The following PCDH1 variants were observed in gnomAD, a reference collection of about 807,000 sequenced individuals.
PCDH1 encodes the protein protocadherin-1.
A neutral mutation model predicts 74.6 loss-of-function variants in PCDH1; 23 were observed. The ratio of observed to expected loss-of-function variants is 0.31; its 90% CI spans 0.22 to 0.44. PCDH1 has a LOEUF of 0.44. Ranked by LOEUF, PCDH1 falls within the 20% of genes least tolerant of loss-of-function variation. The pLI is 1.00. For synonymous variants in PCDH1, 647 were observed against 686.1 expected (o/e 0.94, Z 0.89); for missense variants, 1,214 against 1,641.4 (o/e 0.74, Z 4.50).
Position 141,865,362 on chromosome 5 carries a change from G to A in PCDH1, c.969C>T (p.Pro323=), listed in dbSNP as rs561989436. ...AEIEYTFHQA[P]EVVRRLLRLD... Reference sequence around the variant, plus strand: ...GTCGAAGAAGACGCCTCACAACTTCGGGCGCCTGGTGGAATGTGTATTCGA... The same window carrying A: ...GTCGAAGAAGACGCCTCACAACTTCAGGCGCCTGGTGGAATGTGTATTCGA... Residue 323 remains proline (P), a synonymous_variant, in exon 3 of 5, where the codon CCC becomes CCT. Coordinates refer to ENST00000287008, the MANE Select transcript of PCDH1 (RefSeq NM_032420.5). This position sits in a 1 kb window ranked among gnomAD's most constrained non-coding sequence, Gnocchi z 4.4. 2.9e-5 allele frequency: 47 copies of A among 1,614,072 alleles called. 1 individual carries two copies. In the Admixed American group the frequency reaches 3.5e-4, roughly 12 times the overall value.
At chr5:141,860,928 C>A (rs1455960065) in intron 3 of PCDH1, among the ~76,000 whole-genome samples, 1 of 151,976 alleles carries the variant, frequency 6.6e-6, no homozygotes, top group African/African-American at 2.4e-5. Context: ...CCAGCCTGAC[C>A]AACATGGAGA....
chr5:141,864,661 A>G lies in PCDH1; in HGVS notation c.1670T>C (p.Ile557Thr). The G allele has an allele frequency of 6.2e-7, 1 of 1,613,896 alleles. No homozygotes were observed. Among genetic ancestry groups the G allele is most frequent in the Non-Finnish European group, 8.5e-7 (1 of 1,180,024 alleles). Residue 557 changes from isoleucine to threonine, a missense_variant, in exon 3 of 5, where the codon ATC becomes ACC. Transcript: ENST00000287008. The surrounding 1 kb of genome is among the most constrained non-coding windows in gnomAD (Gnocchi z 5.9). ...PEPAAKGLFT[I>T]SPETGEIQVK... ...CTGGATCTCTCCAGTCTCGGGTGAG[A>G]TGGTGAAGAGGCCCTTAGCAGCCGG...
chr5:141,876,236 G>C (rs1241438798), intron 1 of PCDH1, among the ~76,000 whole-genome samples: 1 of 152,246 alleles, frequency 6.6e-6, no homozygotes, highest in Non-Finnish European at 1.5e-5. Context: ...GGCAAGGCTA[G>C]GGCGCGGCGT....
At position 141,863,769 on chromosome 5, in the gene PCDH1, G is replaced by A; in HGVS notation, c.2562C>T (p.Leu854=). 1.2e-6 allele frequency: 2 copies of A among 1,614,208 alleles called. No homozygotes were observed. The highest frequency in any genetic ancestry group is 1.7e-5 in the Admixed American group (1 of 60,034). The part of the protein sequence containing the change: ...YERSKQRGNI[L]FGVVAGVVAV... ...CCACCACACCAGCCACCACACCAAA[G>A]AGAATGTTGCCACGCTGCTTGGAGC... The change falls in exon 3 of 5, where the codon CTC becomes CTT. Residue 854 remains leucine (L), a synonymous_variant. Transcript: ENST00000287008. The surrounding 1 kb of genome is among the most constrained non-coding windows in gnomAD (Gnocchi z 7.5).
chr5:141,869,517 C>T lies in PCDH1; in HGVS notation c.41-86G>A. On this transcript the variant is annotated intron_variant, in intron 1 of 4. Coordinates refer to ENST00000287008, the MANE Select transcript of PCDH1 (RefSeq NM_032420.5). This position sits in a 1 kb window ranked among gnomAD's most constrained non-coding sequence, Gnocchi z 4.9. ...TGCCCAGAGCTGGCCCCATACTCAC[C>T]CTCTCCCACTGACACACGATTCTCC... 1 of 1,552,906 alleles carries T rather than the reference C, an allele frequency of 6.4e-7. No homozygotes were observed. The highest frequency in any genetic ancestry group is 8.6e-7 in the Non-Finnish European group (1 of 1,156,350).
chr5:141,866,376 T>A (rs1351453511), intron 2 of PCDH1, among the ~76,000 whole-genome samples: 2 of 152,206 alleles, frequency 1.3e-5, no homozygotes, highest in African/African-American at 4.8e-5. Flanking sequence ...GGGCACACCC[T>A]CCCACGCCAA....
At chr5:141,873,254 T>G (rs1324849630) in intron 1 of PCDH1, among the ~76,000 whole-genome samples, 4 of 151,480 alleles carry the variant, frequency 2.6e-5, no homozygotes, top group Non-Finnish European at 4.4e-5. Flanking sequence ...GCCTCCCAAG[T>G]AGCTGGGACT....
rs774575563 is a variant in PCDH1, at chr5:141,868,820, C to G, written c.652G>C (p.Gly218Arg). Residue 218 changes from glycine to arginine, a missense_variant, in exon 2 of 5, where the codon GGG becomes CGG. Coordinates refer to ENST00000287008, the MANE Select transcript of PCDH1 (RefSeq NM_032420.5). The surrounding 1 kb of genome is among the most constrained non-coding windows in gnomAD (Gnocchi z 4.8). ...TCCTGGTCCTCTGCCACCTGCAGCC[C>G]AAATAGCTCCTGGGCCTCAGGCCCA... Reference protein sequence around the residue: ...QAGPEAQELFGLQVAEDQEEK... With the variant: ...QAGPEAQELFRLQVAEDQEEK... 7 of 1,614,080 alleles carry G rather than the reference C, an allele frequency of 4.3e-6. No homozygotes were observed.
chr5:141,857,985 C>T (rs1390589282), intron 3 of PCDH1, among the ~76,000 whole-genome samples: 2 of 152,206 alleles, frequency 1.3e-5, no homozygotes, highest in East Asian at 3.8e-4. Flanking sequence ...ACTCCTAACT[C>T]CCAAACAGCT....
chr5:141,855,750 G>T (rs1262201269), intron 4 of PCDH1, among the ~76,000 whole-genome samples: 1 of 151,892 alleles, frequency 6.6e-6, no homozygotes, highest in East Asian at 1.9e-4. Flanking sequence ...CCTCACTCTG[G>T]CCCCTAAACC....
At chr5:141,858,614 C>G (rs902966114) in intron 3 of PCDH1, among the ~76,000 whole-genome samples, 1 of 152,194 alleles carries the variant, frequency 6.6e-6, no homozygotes, top group South Asian at 2.1e-4. Flanking sequence ...GCAATCTCAA[C>G]TTGGCACTTG....
chr5:141,860,260 C>T (rs1167504499), intron 3 of PCDH1, among the ~76,000 whole-genome samples: 5 of 152,150 alleles, frequency 3.3e-5, no homozygotes, highest in Admixed American at 6.5e-5. Flanking sequence ...CACCTGTCAT[C>T]CAAGCACTTT....
intron 3 of PCDH1, among the ~76,000 whole-genome samples, chr5:141,861,115 CAAAAAAAAAA>C (rs59007688): frequency 3.2e-5 from 2 of 61,944 alleles, no homozygotes; most frequent in African/African-American, 7.0e-5. Flanking sequence ...AACTCCATCT[CAAAAAAAAAA>C]AAAAAAAAAA....
chr5:141,873,613 A>AT (rs34468568), intron 1 of PCDH1, among the ~76,000 whole-genome samples: 14,104 of 122,442 alleles, frequency 0.12, 1,019 homozygotes, highest in African/African-American at 0.2. Context: ...TGCCCAGCTA[A>AT]TTTTTTTTTT....
At chr5:141,856,705 G>A (rs1043177682) in intron 4 of PCDH1, among the ~76,000 whole-genome samples, 1 of 151,776 alleles carries the variant, frequency 6.6e-6, no homozygotes, top group Non-Finnish European at 1.5e-5. Flanking sequence ...CTCCTACCGC[G>A]CTCTTCCTCA....
chr5:141,857,323 G>T lies in PCDH1; in HGVS notation c.3248C>A (p.Ala1083Asp), dbSNP rs1561476494. 6.2e-7 allele frequency: 1 copy of T among 1,613,486 alleles called. No individual in the cohort carries two copies. Among genetic ancestry groups the T allele is most frequent in the Non-Finnish European group, 8.5e-7 (1 of 1,179,894 alleles). Residue 1083 changes from alanine (A) to aspartate (D), a missense_variant, in exon 4 of 5, where the codon GCC becomes GAC. Around this residue, in one of 4 missense-constraint regions of PCDH1, gnomAD observed 836 missense variants for 1,182.2 expected, o/e 0.71. Transcript: ENST00000287008. ...SSSGPRLGPL[A>D]LPEDHYERTT... Reference sequence around the variant, plus strand: ...GCGCTCATAGTGATCCTCAGGCAGGGCCAGGGGACCGAGTCGAGGCCCTGA... The same window carrying T: ...GCGCTCATAGTGATCCTCAGGCAGGTCCAGGGGACCGAGTCGAGGCCCTGA...
rs1561490955 is a variant in PCDH1 at position 141,878,140 on chromosome 5, G to A, written c.40+83C>T. On this transcript the variant is annotated intron_variant, in intron 1 of 4. Transcript: ENST00000287008. The surrounding 1 kb of genome is among the most constrained non-coding windows in gnomAD (Gnocchi z 5.5). ...TGGGCCCCCGCGGCCTCGCTCCGCC[G>A]AGCGCCCCTCCCTCAGCTCCCGCCG... 3.1e-6 allele frequency: 4 copies of A among 1,291,342 alleles called. No individual in the cohort carries two copies. The highest frequency in any genetic ancestry group is 2.8e-4 in the Middle Eastern group (1 of 3,596). 80.0% of individuals were successfully genotyped at this position (1,291,342 alleles called of 1,614,324 possible).
chr5:141,858,536 G>A (rs995225287), intron 3 of PCDH1, among the ~76,000 whole-genome samples: 16 of 152,274 alleles, frequency 1.1e-4, no homozygotes, highest in African/African-American at 3.4e-4. Context: ...GAGTGGAACC[G>A]TGACAGGCTG....
rs1752949948 is a variant in PCDH1 at position 141,868,423 on chromosome 5, T to G, written c.903+146A>C. 1 of 1,409,664 alleles carries G rather than the reference T, an allele frequency of 7.1e-7. No individual in the cohort carries two copies. Among genetic ancestry groups the G allele is most frequent in the Non-Finnish European group, 9.2e-7 (1 of 1,085,748 alleles). 87.3% of individuals were successfully genotyped at this position (1,409,664 alleles called of 1,614,324 possible). A position where few individuals can be genotyped will look rare whatever the true frequency, so the allele number is the denominator to read the frequency against. On this transcript the variant is annotated intron_variant, in intron 2 of 4. Transcript: ENST00000287008. The surrounding 1 kb of genome is among the most constrained non-coding windows in gnomAD (Gnocchi z 4.8). Reference sequence around the variant, plus strand: ...CCTGCTGGGGTGGGGTGGGAAAGACTCCCCTGGCTGAGTTTGGGGAGAAGG... The same window carrying G: ...CCTGCTGGGGTGGGGTGGGAAAGACGCCCCTGGCTGAGTTTGGGGAGAAGG...
Sources: gnomAD v4.1 joint callset for allele counts (sites outside exome capture counted in the v4.1 genomes callset) on GRCh38, gnomAD v4.1.1 for gene constraint, gnomAD v4.1.1 regional missense constraint, Gnocchi (gnomAD v3.1) non-coding constraint, MANE v1.5 for transcripts, NCBI Gene and HGNC (gene_info 2026-07-23, HGNC 2026-07-21) for gene names.